The following ARID1B variants were observed in gnomAD, a reference collection of about 807,000 sequenced individuals.
The protein encoded by ARID1B is AT-rich interactive domain-containing protein 1B.
A neutral mutation model predicts 212.3 loss-of-function variants in ARID1B; 30 were observed. The observed-to-expected ratio is 0.14, with a 90% CI of 0.11 to 0.19. The LOEUF is 0.19. ARID1B is among the 10% of genes least tolerant of loss of function. The pLI is 1.00. For synonymous variants in ARID1B, 1,402 were observed against 1,301.7 expected (o/e 1.08, Z -1.66); for missense variants, 2,891 against 3,204.0 (o/e 0.90, Z 2.36).
rs1793283084 is a variant in ARID1B at position 157,190,499 on chromosome 6, C to T, written c.4231+289C>T. Among the ~76,000 whole-genome samples, 1 of 152,334 alleles carries T rather than the reference C, an allele frequency of 6.6e-6. No homozygotes were observed. Among genetic ancestry groups the T allele is most frequent in the South Asian group, 2.1e-4 (1 of 4,818 alleles). ...ACACGTGCCAAGTTACGTTCCTCAT[C>T]TAGAAATTGGGAAAATAATAGGACC... On this transcript the variant is annotated intron_variant, in intron 15 of 19. Coordinates refer to ENST00000636930, the MANE Select transcript of ARID1B (RefSeq NM_001374828.1). This position sits in a 1 kb window ranked among gnomAD's most constrained non-coding sequence, Gnocchi z 4.6.
intron 6 of ARID1B, among the ~76,000 whole-genome samples, chr6:157,120,449 G>A (rs185149363): frequency 2.0e-5 from 3 of 152,322 alleles, no homozygotes; most frequent in South Asian, 2.1e-4. Flanking sequence ...CTGGTGTGGC[G>A]CGGGGGGCCT....
chr6:157,186,121 A>C (rs1792956677), intron 13 of ARID1B: 1 of 192,052 alleles, frequency 5.2e-6, no homozygotes, highest in East Asian at 1.5e-4. Context: ...AACTCGTGTC[A>C]CTGAATGGGC....
chr6:156,800,333 T>C (rs1446835200), intron 1 of ARID1B, among the ~76,000 whole-genome samples: 1 of 152,218 alleles, frequency 6.6e-6, no homozygotes, highest in Non-Finnish European at 1.5e-5. Context: ...GTCACCCCTG[T>C]AATCCAACAC....
intron 8 of ARID1B, among the ~76,000 whole-genome samples, chr6:157,153,779 G>A (rs187669882): frequency 1.3e-5 from 2 of 152,156 alleles, no homozygotes; most frequent in Non-Finnish European, 2.9e-5. Flanking sequence ...GGTACTACAG[G>A]CACGTGCCAC....
chr6:157,157,774 G>A (rs769723700), intron 8 of ARID1B, among the ~76,000 whole-genome samples: 10 of 152,214 alleles, frequency 6.6e-5, no homozygotes, highest in Admixed American at 2.0e-4. Flanking sequence ...CGTAATCCCA[G>A]TACTTTGGGC....
intron 1 of ARID1B, among the ~76,000 whole-genome samples, chr6:156,799,183 T>TAATATAGAATAATTAAA (rs1419291820): frequency 6.7e-6 from 1 of 149,458 alleles, no homozygotes; most frequent in Admixed American, 6.7e-5. Context: ...GAATAATTAA[T>TAATATAGAATAATTAAA]AATATAAAAT....
intron 1 of ARID1B, among the ~76,000 whole-genome samples, chr6:156,798,739 C>G (rs9383813): frequency 0.057 from 8,724 of 152,318 alleles, 473 homozygotes; most frequent in East Asian, 0.26. Flanking sequence ...CTCTGAGTGT[C>G]TGGAGAAACT....
chr6:156,783,279 A>T (rs544438124), intron 1 of ARID1B, among the ~76,000 whole-genome samples: 3 of 152,050 alleles, frequency 2.0e-5, no homozygotes, highest in Admixed American at 1.3e-4. Flanking sequence ...TTAACCTCTG[A>T]ATGTCATTTT....
chr6:157,189,982 T>G, intron 14 of ARID1B, 56 bp from the exon 15 acceptor site: 1 of 1,596,502 alleles, frequency 6.3e-7, no homozygotes, highest in Non-Finnish European at 8.5e-7. Flanking sequence ...CTGAATGTAC[T>G]GTTTGGAGGT....
chr6:156,901,513 C>T lies in ARID1B; in HGVS notation c.2124C>T (p.Tyr708=), dbSNP rs751192841. 1.2e-6 allele frequency: 2 copies of T among 1,613,574 alleles called. No homozygotes were observed. The highest frequency in any genetic ancestry group is 3.3e-5 in the Admixed American group (2 of 60,000). The change falls in exon 3 of 20, where the codon TAC becomes TAT. Residue 708 remains tyrosine (Y), a synonymous_variant. Transcript: ENST00000636930. ...TGCCGTCCCAGTCCCAGCAGAGGTA[C>T]CAGCCGCAGCAGGTGAGCACAGTGC... ...QYLPSQSQQR[Y]QPQQDMSQEG...
intron 12 of ARID1B, among the ~76,000 whole-genome samples, chr6:157,182,626 CCTT>C (rs202060858): frequency 0.022 from 3,421 of 152,252 alleles, 54 homozygotes; most frequent in Non-Finnish European, 0.034. Context: ...AAAGGGGAGG[CCTT>C]CTTTGTGCTT....
intron 4 of ARID1B, among the ~76,000 whole-genome samples, chr6:157,041,418 G>T (rs1164639202): frequency 6.6e-6 from 1 of 151,560 alleles, no homozygotes; most frequent in African/African-American, 2.4e-5. Context: ...CAAGAAAGGG[G>T]TATGTAATTA....
At chr6:156,817,269 G>A (rs1023795428) in intron 1 of ARID1B, among the ~76,000 whole-genome samples, 2 of 151,928 alleles carry the variant, frequency 1.3e-5, no homozygotes, top group Non-Finnish European at 2.9e-5. Context: ...ACTTGAATCC[G>A]GGAGGTGGAG....
At chr6:156,994,858 A>G (rs1778493855) in intron 4 of ARID1B, among the ~76,000 whole-genome samples, 2 of 152,328 alleles carry the variant, frequency 1.3e-5, no homozygotes, top group South Asian at 4.1e-4. Context: ...TCTTACCCTG[A>G]ACACGGTGTC....
At chr6:157,196,862 A>G (rs1793764689) in intron 16 of ARID1B, among the ~76,000 whole-genome samples, 1 of 152,248 alleles carries the variant, frequency 6.6e-6, no homozygotes, top group Non-Finnish European at 1.5e-5. Flanking sequence ...AACCCACAGC[A>G]CAGGCCTCAC....
At chr6:157,050,751 A>G (rs893551624) in intron 4 of ARID1B, among the ~76,000 whole-genome samples, 2 of 152,180 alleles carry the variant, frequency 1.3e-5, no homozygotes, top group African/African-American at 4.8e-5. Context: ...ATACTCATAA[A>G]ATGACTTTTT....
At chr6:157,093,845 C>A (rs1785439016) in intron 5 of ARID1B, among the ~76,000 whole-genome samples, 1 of 152,192 alleles carries the variant, frequency 6.6e-6, no homozygotes, top group South Asian at 2.1e-4. Context: ...TTCCTTCCTG[C>A]CTTATTTTAT....
At chr6:156,975,823 C>G (rs1173285152) in intron 4 of ARID1B, among the ~76,000 whole-genome samples, 1 of 152,052 alleles carries the variant, frequency 6.6e-6, no homozygotes, top group Non-Finnish European at 1.5e-5. Flanking sequence ...GACCACCAGG[C>G]AAGCTTTACG....
rs189341300 is a variant in ARID1B, at chr6:157,193,381, G to A, written c.4232-2784G>A. On this transcript the variant is annotated intron_variant, in intron 15 of 19. Coordinates refer to ENST00000636930, the MANE Select transcript of ARID1B (RefSeq NM_001374828.1). ...ATATGAACTTTTTTTTTAGTTTACT[G>A]AGTATCTCAGCTTTTACAGTATAAC... is the stretch of plus-strand genomic sequence containing the variant. 1.2e-4 allele frequency: 18 copies of A among 152,208 alleles called. No individual in the cohort carries two copies. In the East Asian group the frequency reaches 2.9e-3, roughly 24 times the overall value. 9.4% of individuals were successfully genotyped at this position (152,208 alleles called of 1,614,324 possible). A position where few individuals can be genotyped will look rare whatever the true frequency, so the allele number is the denominator to read the frequency against.
Sources: allele counts gnomAD v4.1 joint callset (sites outside exome capture counted in the v4.1 genomes callset), GRCh38; gene constraint gnomAD v4.1.1; non-coding constraint Gnocchi (gnomAD v3.1); transcripts MANE v1.5; gene names NCBI Gene and HGNC (gene_info 2026-07-23, HGNC 2026-07-21).